The following CATSPERB variants were observed in gnomAD, a reference collection of about 807,000 sequenced individuals.
CATSPERB encodes catsper channel auxiliary subunit beta, also known as cation channel sperm-associated auxiliary subunit beta.
A neutral mutation model predicts 128.3 loss-of-function variants in CATSPERB; 93 were observed. That is an observed-to-expected ratio of 0.72 (90% CI 0.61 to 0.86). The LOEUF is 0.86. Among genes scored for constraint, CATSPERB ranks in the 40% least tolerant of loss-of-function variants. The pLI is 0.00. For missense variants in CATSPERB, 1,153 were observed against 1,329.5 expected (o/e 0.87, Z 2.06); for synonymous variants, 381 against 448.8 (o/e 0.85, Z 1.91).
chr14:91,700,332 T>C (rs1375501262), intron 7 of CATSPERB, among the ~76,000 whole-genome samples: 1 of 152,250 alleles, frequency 6.6e-6, no homozygotes, highest in African/African-American at 2.4e-5. Context: ...CAAGAATTTT[T>C]CTGTCTACAT....
intron 14 of CATSPERB, 80 bp downstream of exon 14, chr14:91,669,734 G>A: frequency 7.4e-7 from 1 of 1,354,684 alleles, no homozygotes; most frequent in Non-Finnish European, 1.0e-6. Context: ...GAGAAGCTCT[G>A]TTCTTAATGT....
At chr14:91,636,727 G>A in intron 16 of CATSPERB, 148 bp from the exon 17 acceptor site, 1 of 705,982 alleles carries the variant, frequency 1.4e-6, no homozygotes, top group Non-Finnish European at 2.3e-6. Flanking sequence ...TGTTCTGTTG[G>A]AACATCCATG....
At position 91,729,200 on chromosome 14, in the gene CATSPERB, G is replaced by A. The variant is rs188694097; in HGVS notation, c.79+201C>T. On this transcript the variant is annotated intron_variant, in intron 2 of 26. Coordinates refer to ENST00000256343, the MANE Select transcript of CATSPERB (RefSeq NM_024764.4). ...CTAAAAATACAAAAATTAGCCAGGC[G>A]TGGTGGTGGGCACCTGTAATCCCAG... is the stretch of plus-strand genomic sequence containing the variant. Among the ~76,000 whole-genome samples the A allele has an allele frequency of 5.2e-3, 799 of 152,280 alleles. 7 individuals are homozygous for A. Among genetic ancestry groups the A allele is most frequent in the African/African-American group, 0.018 (746 of 41,550 alleles).
chr14:91,591,057 T>C (rs1002327182), intron 23 of CATSPERB, among the ~76,000 whole-genome samples: 3 of 152,068 alleles, frequency 2.0e-5, no homozygotes, highest in African/African-American at 7.2e-5. Flanking sequence ...AACTGCATAT[T>C]TGTTTTTTTC....
chr14:91,588,051 C>T lies in CATSPERB; in HGVS notation c.2984G>A (p.Arg995Lys), dbSNP rs1281328193. Residue 995 changes from arginine (R) to lysine (K), a missense_variant, in exon 25 of 27, where the codon AGA becomes AAA. Physicochemically the swap from Arg to Lys is conservative, Grantham distance 26. Transcript: ENST00000256343. ...AATTGGTTCTACTAATTGTTTCATTCTTTTAATATTTTCTGGCACAGTGTG... is the reference window on the plus strand; with the variant it reads ...AATTGGTTCTACTAATTGTTTCATTTTTTTAATATTTTCTGGCACAGTGTG... Reference protein sequence around the residue: ...LKHTVPENIKRMKQLVEPILG... With the variant: ...LKHTVPENIKKMKQLVEPILG... 2 of 1,609,848 alleles carry T rather than the reference C, an allele frequency of 1.2e-6. No homozygotes were observed. The highest frequency in any genetic ancestry group is 2.7e-5 in the African/African-American group (2 of 74,832).
intron 11 of CATSPERB, among the ~76,000 whole-genome samples, chr14:91,682,944 T>TTGTCTATATA (rs1225090180): frequency 1.3e-5 from 2 of 152,328 alleles, no homozygotes; most frequent in Non-Finnish European, 2.9e-5. Context: ...ATTAAGACTG[T>TTGTCTATATA]TGTCTATATA....
At position 91,702,165 on chromosome 14, in the gene CATSPERB, C is replaced by T. The variant is rs149421445; in HGVS notation, c.616+2387G>A. Among the ~76,000 whole-genome samples, 9 of 151,834 alleles carry T rather than the reference C, an allele frequency of 5.9e-5. No homozygotes were observed. The South Asian group carries it at 6.3e-4, about 11-fold the overall frequency. On this transcript the variant is annotated intron_variant, in intron 7 of 26. Transcript: ENST00000256343. ...TCAAGCATGAGGAGTTCAGAATGAC[C>T]GCTCTCCTATGGCTCACAGAAGTAA...
intron 24 of CATSPERB, among the ~76,000 whole-genome samples, chr14:91,589,270 T>C (rs554627123): frequency 3.2e-4 from 49 of 152,376 alleles, no homozygotes; most frequent in African/African-American, 1.2e-3. Flanking sequence ...ATTGTTGTTA[T>C]TGATCCACAA....
intron 11 of CATSPERB, among the ~76,000 whole-genome samples, chr14:91,678,082 TG>T (rs953802192): frequency 1.3e-5 from 2 of 151,670 alleles, no homozygotes; most frequent in African/African-American, 4.9e-5. Flanking sequence ...AGTTGGCAGG[TG>T]GGGGGCAAGG....
At chr14:91,631,084 A>T (rs531364860) in intron 17 of CATSPERB, among the ~76,000 whole-genome samples, 1 of 152,226 alleles carries the variant, frequency 6.6e-6, no homozygotes, top group East Asian at 1.9e-4. Flanking sequence ...CTCTGTCACC[A>T]TATTTACTTT....
chr14:91,626,492 C>T (rs371816113), intron 17 of CATSPERB, among the ~76,000 whole-genome samples: 1 of 150,046 alleles, frequency 6.7e-6, no homozygotes, highest in South Asian at 2.1e-4. Flanking sequence ...TGAGGCTTTG[C>T]CCTCACGAAT....
rs760476729 is a variant in CATSPERB at position 91,621,591 on chromosome 14, G to T, written c.2260+17C>A. 1 of 1,512,282 alleles carries T rather than the reference G, an allele frequency of 6.6e-7. No individual in the cohort carries two copies. The highest frequency in any genetic ancestry group is 8.9e-7 in the Non-Finnish European group (1 of 1,118,980). The allele number at this position is 1,512,282 out of a possible 1,614,324, so 93.7% of individuals were successfully genotyped here. On this transcript the variant is annotated intron_variant, in intron 19 of 26. Coordinates refer to ENST00000256343, the MANE Select transcript of CATSPERB (RefSeq NM_024764.4). ...ATAACATTTCCTTTTTATATTTTCC[G>T]ATCAAAACAAACTTACCTTTTGCAT...
intron 22 of CATSPERB, among the ~76,000 whole-genome samples, chr14:91,596,804 T>G (rs1296491051): frequency 6.6e-6 from 1 of 152,174 alleles, no homozygotes; most frequent in Non-Finnish European, 1.5e-5. Context: ...GTATAATTTT[T>G]ACACCAAAAT....
intron 26 of CATSPERB, among the ~76,000 whole-genome samples, chr14:91,583,793 C>G (rs1368159206): frequency 6.7e-6 from 1 of 149,252 alleles, no homozygotes; most frequent in East Asian, 1.9e-4. Context: ...TTTTTTTTTT[C>G]TTCAGTTATC....
chr14:91,699,290 A>G (rs929146260), intron 7 of CATSPERB, among the ~76,000 whole-genome samples: 1 of 152,164 alleles, frequency 6.6e-6, no homozygotes, highest in Non-Finnish European at 1.5e-5. Context: ...ACTGTTTTTC[A>G]TAGAGGTTGT....
intron 2 of CATSPERB, among the ~76,000 whole-genome samples, chr14:91,729,153 G>A (rs1228192345): frequency 6.6e-6 from 1 of 152,092 alleles, no homozygotes; most frequent in Non-Finnish European, 1.5e-5. Flanking sequence ...GCCTGGCCAA[G>A]ATGGGTGAAA....
intron 26 of CATSPERB, among the ~76,000 whole-genome samples, chr14:91,582,056 A>G (rs1893215354): frequency 6.6e-6 from 1 of 152,152 alleles, no homozygotes; most frequent in African/African-American, 2.4e-5. Flanking sequence ...TTCCCCTCAC[A>G]TTCATTCTTT....
chr14:91,587,018 C>T (rs61991980), intron 26 of CATSPERB, among the ~76,000 whole-genome samples, 184 bp downstream of exon 26: 20,533 of 152,106 alleles, frequency 0.13, 1,509 homozygotes, highest in Non-Finnish European at 0.17. Flanking sequence ...GTCCTGGCAC[C>T]CATGATGCAC....
intron 7 of CATSPERB, among the ~76,000 whole-genome samples, chr14:91,695,127 G>T (rs1473892314): frequency 7.0e-6 from 1 of 142,634 alleles, no homozygotes; most frequent in African/African-American, 2.6e-5. Context: ...ATAATGGTGG[G>T]AATTTTTTTT....
Sources: allele counts gnomAD v4.1 joint callset (sites outside exome capture counted in the v4.1 genomes callset), GRCh38; gene constraint gnomAD v4.1.1; transcripts MANE v1.5; gene names NCBI Gene and HGNC (gene_info 2026-07-23, HGNC 2026-07-21).